The following GAB1 variants were observed in gnomAD, a reference collection of about 807,000 sequenced individuals.
GAB1 encodes GRB2 associated binding protein 1, also known as GRB2-associated-binding protein 1.
A neutral mutation model predicts 66.5 loss-of-function variants in GAB1; 19 were observed. That is an observed-to-expected ratio of 0.29 (90% confidence interval 0.20 to 0.42). The LOEUF (loss-of-function observed/expected upper bound fraction) is 0.42. Among genes scored for constraint, GAB1 ranks in the 10% least tolerant of loss-of-function variants. GAB1 has a pLI of 1.00. For missense variants in GAB1, 732 were observed against 858.5 expected, an observed-to-expected ratio of 0.85 and a Z score of 1.84; for synonymous variants, 294 against 301.4, an observed-to-expected ratio of 0.98 and a Z score of 0.25.
At chr4:143,352,263 T>A (rs964862540) in intron 1 of GAB1, among the ~76,000 whole-genome samples, 1 of 152,230 alleles carries the variant, frequency 6.6e-6, no homozygotes, top group Non-Finnish European at 1.5e-5. Flanking sequence ...ATAAATTACA[T>A]GTAATCAAGT....
At chr4:143,366,243 T>C (rs977005313) in intron 1 of GAB1, among the ~76,000 whole-genome samples, 1 of 152,372 alleles carries the variant, frequency 6.6e-6, no homozygotes, top group East Asian at 1.9e-4. Flanking sequence ...GGTTCTGTTA[T>C]CAAATTTATC....
At chr4:143,403,501 AAG>A (rs1731881961) in intron 1 of GAB1, among the ~76,000 whole-genome samples, 2 of 152,350 alleles carry the variant, frequency 1.3e-5, no homozygotes, top group South Asian at 2.1e-4. Context: ...TGAAAACAAA[AAG>A]AAATAAATAG....
At chr4:143,348,882 A>G (rs953539464) in intron 1 of GAB1, among the ~76,000 whole-genome samples, 9 of 152,054 alleles carry the variant, frequency 5.9e-5, no homozygotes, top group African/African-American at 2.2e-4. Context: ...GCCTTTGCAC[A>G]TGCTCTCCTC....
At chr4:143,367,168 A>G (rs1729916751) in intron 1 of GAB1, among the ~76,000 whole-genome samples, 1 of 152,112 alleles carries the variant, frequency 6.6e-6, no homozygotes, top group African/African-American at 2.4e-5. Context: ...ATTGGTAGTT[A>G]TTATTTCTAA....
intron 1 of GAB1, chr4:143,343,323 TTAAA>T (rs777424690): frequency 3.9e-5 from 6 of 152,706 alleles, no homozygotes; most frequent in African/African-American, 7.2e-5. Flanking sequence ...ACTATTTATC[TTAAA>T]TAGTTTAGTG....
intron 1 of GAB1, among the ~76,000 whole-genome samples, chr4:143,375,925 G>A (rs1330863375): frequency 6.6e-6 from 1 of 152,220 alleles, no homozygotes; most frequent in East Asian, 1.9e-4. Flanking sequence ...GTGCCCTGGA[G>A]GCAAAATAGC....
intron 3 of GAB1, among the ~76,000 whole-genome samples, chr4:143,434,408 C>A (rs1420258344): frequency 6.7e-6 from 1 of 148,926 alleles, no homozygotes; most frequent in Admixed American, 6.7e-5. Context: ...TGCTCTGTTG[C>A]CCATGGCTCA....
At position 143,472,870 on chromosome 4, in the gene GAB1, A is replaced by G. The variant is rs1008724555; in HGVS notation, c.*3681A>G. Reference sequence around the variant, plus strand: ...CATCTGATGTTACATGCACATTTATATATATATAATTTTAAAAACTGAACT... The same window carrying G: ...CATCTGATGTTACATGCACATTTATGTATATATAATTTTAAAAACTGAACT... On this transcript the variant is annotated 3_prime_UTR_variant, in exon 10 of 10. Transcript: ENST00000262994. 6.6e-6 allele frequency: 1 copy of G among 152,210 alleles called. No homozygotes were observed. The highest frequency in any genetic ancestry group is 1.5e-5 in the Non-Finnish European group (1 of 68,032). The allele number at this position is 152,210 out of a possible 1,614,324, so 9.4% of individuals were successfully genotyped here.
Position 143,373,868 on chromosome 4 carries a change from A to AATAAATAAATATATATATAT in GAB1, c.72+36611_72+36612insAATAAATATATATATATATA. Among the ~76,000 whole-genome samples, 364 of 93,648 alleles carry AATAAATAAATATATATATAT rather than the reference A, an allele frequency of 3.9e-3. 10 individuals carry two copies. Among genetic ancestry groups the AATAAATAAATATATATATAT allele is most frequent in the Middle Eastern group, 6.3e-3 (1 of 160 alleles). 61.4% of individuals were successfully genotyped at this position (93,648 alleles called of 152,430 possible). On this transcript the variant is annotated intron_variant, in intron 1 of 9. Transcript: ENST00000262994. ...CTCTCTCTCTCTCTGTAAATAAATA[A>AATAAATAAATATATATATAT]ATATATATATATATATATTTTTACC... is the stretch of plus-strand genomic sequence containing the variant.
chr4:143,414,668 G>A (rs899086058), intron 1 of GAB1, among the ~76,000 whole-genome samples: 5 of 151,538 alleles, frequency 3.3e-5, no homozygotes, highest in Admixed American at 6.6e-5. Flanking sequence ...CCTTGCCACC[G>A]CACCTAAAAA....
At chr4:143,395,108 AT>A (rs1328589757) in intron 1 of GAB1, 5 of 152,244 alleles carry the variant, frequency 3.3e-5, no homozygotes, top group African/African-American at 1.2e-4. Context: ...TGAGAGTGTT[AT>A]AACAGTTCCC....
chr4:143,434,044 ATAAATGGT>A lies in GAB1; in HGVS notation c.593+329_593+336del, dbSNP rs1256973129. On this transcript the variant is annotated intron_variant, in intron 3 of 9. Transcript: ENST00000262994. Reference sequence around the variant, plus strand: ...CTTGCTTAACAGATTTCACTGATTTATAAATGGTGATCTTGCTCCATTTCTTATGTGAT... The same window carrying A: ...CTTGCTTAACAGATTTCACTGATTTAGATCTTGCTCCATTTCTTATGTGAT... 94 of 1,049,064 alleles carry A rather than the reference ATAAATGGT, an allele frequency of 9.0e-5. 1 individual carries two copies. The highest frequency in any genetic ancestry group is 1.2e-4 in the Non-Finnish European group (90 of 766,290). The allele number at this position is 1,049,064 out of a possible 1,614,324, so 65.0% of individuals were successfully genotyped here.
intron 2 of GAB1, among the ~76,000 whole-genome samples, chr4:143,431,197 T>G (rs1386590493): frequency 6.6e-6 from 1 of 152,080 alleles, no homozygotes; most frequent in Non-Finnish European, 1.5e-5. Flanking sequence ...AGAGACAGGA[T>G]TAGGAAAACA....
chr4:143,349,810 G>A (rs2149647115), intron 1 of GAB1: 4 of 1,586,632 alleles, frequency 2.5e-6, no homozygotes, highest in South Asian at 1.1e-5. Flanking sequence ...GCCGGCACGG[G>A]TCTGCTTCTG....
intron 1 of GAB1, among the ~76,000 whole-genome samples, chr4:143,363,738 C>A (rs570847037): frequency 2.0e-5 from 3 of 152,268 alleles, no homozygotes; most frequent in East Asian, 3.9e-4. Flanking sequence ...TGGACACATG[C>A]AATTTTGTGT....
intron 1 of GAB1, among the ~76,000 whole-genome samples, chr4:143,359,599 C>G (rs1210375788): frequency 6.6e-6 from 1 of 152,142 alleles, no homozygotes; most frequent in East Asian, 1.9e-4. Flanking sequence ...GTGCCTTATC[C>G]CCTGTGTGAG....
chr4:143,452,377 A>G (rs779938718), intron 6 of GAB1, among the ~76,000 whole-genome samples: 1 of 152,240 alleles, frequency 6.6e-6, no homozygotes, highest in African/African-American at 2.4e-5. Context: ...AAGGGAGGGT[A>G]TGAATCATAT....
At chr4:143,362,710 C>T (rs1560719385) in intron 1 of GAB1, among the ~76,000 whole-genome samples, 1 of 152,280 alleles carries the variant, frequency 6.6e-6, no homozygotes, top group African/African-American at 2.4e-5. Flanking sequence ...ACTTTCATAA[C>T]CGTCTTGGTT....
chr4:143,398,559 C>G (rs973352156), intron 1 of GAB1, among the ~76,000 whole-genome samples: 2 of 151,904 alleles, frequency 1.3e-5, no homozygotes, highest in Admixed American at 1.3e-4. Context: ...ACTTGTATCT[C>G]CCTTTTGGGA....
Sources: allele counts gnomAD v4.1 joint callset (sites outside exome capture counted in the v4.1 genomes callset), GRCh38; gene constraint gnomAD v4.1.1; transcripts MANE v1.5; gene names NCBI Gene and HGNC (gene_info 2026-07-23, HGNC 2026-07-21).